RTN4RL1: variants seen among roughly 807,000 people sequenced by gnomAD.
RTN4RL1 encodes the protein reticulon-4 receptor-like 1.
In RTN4RL1, 7 loss-of-function variants were observed where a neutral mutation model predicts 25.6. That is an observed-to-expected ratio of 0.27 (90% CI 0.16 to 0.51). RTN4RL1 has a LOEUF of 0.51. RTN4RL1 is among the 20% of genes least tolerant of loss of function. The pLI is 0.97. For synonymous variants in RTN4RL1, 297 were observed against 288.2 expected (o/e 1.03, Z -0.31); for missense variants, 500 against 615.6 (o/e 0.81, Z 1.99).
At chr17:1,950,394 C>T (rs940933678) in intron 1 of RTN4RL1, among the ~76,000 whole-genome samples, 2 of 152,128 alleles carry the variant, frequency 1.3e-5, no homozygotes, top group Admixed American at 1.3e-4. Context: ...AGGAATAAAA[C>T]AGGAAAACCG....
intron 1 of RTN4RL1, among the ~76,000 whole-genome samples, chr17:1,977,240 G>A (rs2066846090): frequency 6.6e-6 from 1 of 152,226 alleles, no homozygotes; most frequent in Non-Finnish European, 1.5e-5. Context: ...CTGGGAAGGT[G>A]CGAGGCAGAG....
chr17:1,965,258 C>T (rs1006165835), intron 1 of RTN4RL1, among the ~76,000 whole-genome samples: 2 of 151,488 alleles, frequency 1.3e-5, no homozygotes, highest in African/African-American at 4.9e-5. Context: ...TACAGGCGCG[C>T]GCCCCCCATG....
At position 1,994,684 on chromosome 17, in the gene RTN4RL1, G is replaced by A. The variant is rs1223054082; in HGVS notation, c.13+30169C>T. Reference sequence around the variant, plus strand: ...CGCCACTGACAGGCCCGGTGACCTCGGTCAACACAAGCAGGCTCTGCTGCC... The same window carrying A: ...CGCCACTGACAGGCCCGGTGACCTCAGTCAACACAAGCAGGCTCTGCTGCC... On this transcript the variant is annotated intron_variant, in intron 1 of 1. Transcript: ENST00000331238. This position sits in a 1 kb window ranked among gnomAD's most constrained non-coding sequence, Gnocchi z 4.3. Among the ~76,000 whole-genome samples, 1 of 152,100 alleles carries A rather than the reference G, an allele frequency of 6.6e-6. No homozygotes were observed. Among genetic ancestry groups the A allele is most frequent in the East Asian group, 1.9e-4 (1 of 5,188 alleles).
chr17:1,964,895 T>G (rs2151311186), intron 1 of RTN4RL1, among the ~76,000 whole-genome samples: 1 of 148,472 alleles, frequency 6.7e-6, no homozygotes, highest in South Asian at 2.2e-4. Flanking sequence ...TTCAAGAGAT[T>G]CTCTTGCCTC....
chr17:2,012,402 A>G (rs900443046), intron 1 of RTN4RL1, among the ~76,000 whole-genome samples: 1 of 152,238 alleles, frequency 6.6e-6, no homozygotes, highest in African/African-American at 2.4e-5. Flanking sequence ...TGAGCCCCTC[A>G]GAGCCTCGGT....
Position 1,946,827 on chromosome 17 carries a change from G to T in RTN4RL1, c.14-9019C>A, listed in dbSNP as rs565376413. 5.1e-4 allele frequency among the ~76,000 whole-genome samples: 76 copies of T among 147,970 alleles called. 1 individual carries two copies. The highest frequency in any genetic ancestry group is 1.7e-3 in the African/African-American group (67 of 39,764). ...TCTCTGTGTGAATTGTGTGTGCACG[G>T]GGTCTGTGTGCATCTATGTTGAATG... On this transcript the variant is annotated intron_variant, in intron 1 of 1. Transcript: ENST00000331238.
chr17:1,998,037 AC>A lies in RTN4RL1; in HGVS notation c.13+26815del, dbSNP rs2066937503. Among the ~76,000 whole-genome samples the A allele has an allele frequency of 6.8e-6, 1 of 147,528 alleles. No individual in the cohort carries two copies. ...TCAGGGTGCCGGGCGCCCCACCCCCACCCCCGCCTCCGCCCCAGGCCGCGAT... is the reference window on the plus strand; with the variant it reads ...TCAGGGTGCCGGGCGCCCCACCCCCACCCCGCCTCCGCCCCAGGCCGCGAT... On this transcript the variant is annotated intron_variant, in intron 1 of 1. Transcript: ENST00000331238. This position sits in a 1 kb window ranked among gnomAD's most constrained non-coding sequence, Gnocchi z 4.9.
At chr17:1,938,048 C>A (rs934182148) in intron 1 of RTN4RL1, among the ~76,000 whole-genome samples, 1 of 152,154 alleles carries the variant, frequency 6.6e-6, no homozygotes, top group Admixed American at 6.5e-5. Flanking sequence ...GTGAAGGCCC[C>A]AATCACCCCC....
rs572864200 is a variant in RTN4RL1, at chr17:2,007,903, G to A, written c.13+16950C>T. On this transcript the variant is annotated intron_variant, in intron 1 of 1. Coordinates refer to ENST00000331238, the MANE Select transcript of RTN4RL1 (RefSeq NM_178568.4). Reference sequence around the variant, plus strand: ...GGAGGCTGCAGTGAGCCGAGATTGCGCCCCTGCACTCCAGCCTGGGTGACA... The same window carrying A: ...GGAGGCTGCAGTGAGCCGAGATTGCACCCCTGCACTCCAGCCTGGGTGACA... Among the ~76,000 whole-genome samples, 20 of 151,756 alleles carry A rather than the reference G, an allele frequency of 1.3e-4. No individual in the cohort carries two copies. The South Asian group carries it at 2.3e-3, about 17-fold the overall frequency.
At chr17:2,009,226 G>A (rs144261517) in intron 1 of RTN4RL1, among the ~76,000 whole-genome samples, 2,356 of 152,268 alleles carry the variant, frequency 0.015, 59 homozygotes, top group African/African-American at 0.052. Context: ...TTGGGAGGCC[G>A]AGGCAGGTGG....
rs111759667 is a variant in RTN4RL1 at position 1,966,046 on chromosome 17, G to T, written c.14-28238C>A. Among the ~76,000 whole-genome samples, 194 of 152,252 alleles carry T rather than the reference G, an allele frequency of 1.3e-3. 1 individual carries two copies. Among genetic ancestry groups the T allele is most frequent in the African/African-American group, 4.4e-3 (184 of 41,538 alleles). Reference sequence around the variant, plus strand: ...ACATCACGAGCGGCTCTGGAGCTAAGGAAGGAGCCCAGCCTCCTGCTCAGG... The same window carrying T: ...ACATCACGAGCGGCTCTGGAGCTAATGAAGGAGCCCAGCCTCCTGCTCAGG... On this transcript the variant is annotated intron_variant, in intron 1 of 1. Coordinates refer to ENST00000331238, the MANE Select transcript of RTN4RL1 (RefSeq NM_178568.4).
chr17:2,022,304 A>G (rs991083555), intron 1 of RTN4RL1, among the ~76,000 whole-genome samples: 6 of 152,046 alleles, frequency 3.9e-5, no homozygotes, highest in Admixed American at 1.3e-4. Context: ...CAACAGAGTG[A>G]AACTCTGTCT....
Position 1,935,707 on chromosome 17 carries a change from T to TGTG in RTN4RL1, c.*788_*789insCAC, listed in dbSNP as rs1915280781. The TGTG allele has an allele frequency of 1.0e-5, 2 of 199,490 alleles. No homozygotes were observed. The highest frequency in any genetic ancestry group is 4.1e-5 in the African/African-American group (1 of 24,120). The allele number at this position is 199,490 out of a possible 1,614,324, so 12.4% of individuals were successfully genotyped here. A position where few individuals can be genotyped will look rare whatever the true frequency, so the allele number is the denominator to read the frequency against. On this transcript the variant is annotated 3_prime_UTR_variant, in exon 2 of 2. Transcript: ENST00000331238. The stretch of plus-strand genomic sequence containing the variant: ...ACGGAGTGGGAGGGGGACTGTGCAT[T>TGTG]TGTGTATATATATATATATATATAT...
In RTN4RL1 at chr17:1,937,394, C is replaced by A. The variant is rs1171656450; in HGVS notation, c.428G>T (p.Gly143Val). The A allele has an allele frequency of 3.7e-6, 6 of 1,613,562 alleles. No individual in the cohort carries two copies. The Admixed American group carries it at 1.0e-4, about 27-fold the overall frequency. ...CAGGCTGTGCAGGCCGCCAAAGACG[C>A]CGGCCGGCAAGGCGCTGAGCCCACA... ...YKCGLSALPA[G>V]VFGGLHSLQY... The change falls in exon 2 of 2, where the codon GGC becomes GTC. Residue 143 changes from glycine (G) to valine (V), a missense_variant. By Grantham distance (109) the Gly-to-Val change is moderately radical (BLOSUM62 -3). Transcript: ENST00000331238.
intron 1 of RTN4RL1, among the ~76,000 whole-genome samples, chr17:1,999,181 C>T (rs1162203938): frequency 1.3e-5 from 2 of 150,296 alleles, no homozygotes; most frequent in Non-Finnish European, 2.9e-5. Context: ...GGCGCGGTGG[C>T]TCACGGCTGT....
At chr17:2,018,547 C>A (rs1046345929) in intron 1 of RTN4RL1, among the ~76,000 whole-genome samples, 4 of 152,302 alleles carry the variant, frequency 2.6e-5, no homozygotes, top group Non-Finnish European at 5.9e-5. Context: ...GAATCAGCAG[C>A]GCCCAGCGCC....
chr17:2,015,469 G>A (rs771190421), intron 1 of RTN4RL1, among the ~76,000 whole-genome samples: 5 of 152,188 alleles, frequency 3.3e-5, no homozygotes, highest in South Asian at 2.1e-4. Context: ...CAAGCATGGC[G>A]CTGCCCGGGG....
rs116148511 is a variant in RTN4RL1, at chr17:1,958,656, T to C, written c.14-20848A>G. Among the ~76,000 whole-genome samples the C allele has an allele frequency of 3.2e-3, 490 of 152,256 alleles. 4 individuals are homozygous for C. Among genetic ancestry groups the C allele is most frequent in the African/African-American group, 0.011 (468 of 41,544 alleles). On this transcript the variant is annotated intron_variant, in intron 1 of 1. Coordinates refer to ENST00000331238, the MANE Select transcript of RTN4RL1 (RefSeq NM_178568.4). ...AACCCCAGGGGATACTTGAAAGAGG[T>C]TGCTAAAGAAACAGTTCCGGCAGGA... is the stretch of plus-strand genomic sequence containing the variant.
intron 1 of RTN4RL1, among the ~76,000 whole-genome samples, chr17:2,006,396 G>C (rs1318245675): frequency 6.6e-6 from 1 of 151,456 alleles, no homozygotes; most frequent in Non-Finnish European, 1.5e-5. Flanking sequence ...CCTGACCTCA[G>C]GCAGTCTGCC....
Sources: gnomAD v4.1 joint callset for allele counts (sites outside exome capture counted in the v4.1 genomes callset) on GRCh38, gnomAD v4.1.1 for gene constraint, Gnocchi (gnomAD v3.1) non-coding constraint, MANE v1.5 for transcripts, NCBI Gene and HGNC (gene_info 2026-07-23, HGNC 2026-07-21) for gene names.